Variants in ARID2 observed in about 807,000 individuals in gnomAD.
ARID2 encodes the protein AT-rich interaction domain 2.
ARID2 carries 32 observed loss-of-function variants against 184.6 expected under a neutral mutation model. The observed-to-expected ratio is 0.17, with a 90% CI of 0.13 to 0.23. ARID2 has a LOEUF of 0.23. ARID2 is among the 10% of genes least tolerant of loss of function. ARID2 has a pLI of 1.00. For missense variants in ARID2, 1,696 were observed against 2,197.6 expected (o/e 0.77, Z 4.56); for synonymous variants, 836 against 772.6 (o/e 1.08, Z -1.36).
In ARID2 at chr12:45,851,763, G is replaced by A. The variant is rs1334618271; in HGVS notation, c.3640G>A (p.Val1214Ile). 6.2e-7 allele frequency: 1 copy of A among 1,614,106 alleles called. No individual in the cohort carries two copies. The highest frequency in any genetic ancestry group is 2.2e-5 in the East Asian group (1 of 44,866). Residue 1214 changes from valine to isoleucine, a missense_variant, in exon 15 of 21, where the codon GTA becomes ATA. Val to Ile is a conservative substitution (Grantham distance 29, BLOSUM62 3). This residue lies in a region of ARID2 where 428 missense variants were observed against 409.1 expected (regional missense o/e 1.05). Coordinates refer to ENST00000334344, the MANE Select transcript of ARID2 (RefSeq NM_152641.4). Reference sequence around the variant, plus strand: ...AACGCAGACAGGAGTTGGACTTCCAGTACAAACGCTTCCAGCCACTCAAGC... The same window carrying A: ...AACGCAGACAGGAGTTGGACTTCCAATACAAACGCTTCCAGCCACTCAAGC... ...SGTQTGVGLP[V>I]QTLPATQASP... is the part of the protein sequence containing the mutation.
chr12:45,795,510 CA>C (rs1942374563), intron 3 of ARID2, among the ~76,000 whole-genome samples: 1 of 152,112 alleles, frequency 6.6e-6, no homozygotes, highest in Admixed American at 6.5e-5. Context: ...CGGCTCACTG[CA>C]AAGCTCCGCC....
intron 5 of ARID2, among the ~76,000 whole-genome samples, chr12:45,819,105 A>G (rs1033953186): frequency 6.6e-6 from 1 of 152,200 alleles, no homozygotes; most frequent in Admixed American, 6.5e-5. Context: ...AAACCTTAAA[A>G]TGAAGCCTTT....
chr12:45,851,186 C>T lies in ARID2; in HGVS notation c.3063C>T (p.Pro1021=), dbSNP rs768203142. 1.9e-6 allele frequency: 3 copies of T among 1,614,120 alleles called. No homozygotes were observed. The highest frequency in any genetic ancestry group is 4.5e-5 in the East Asian group (2 of 44,880). ...AACAGCAGCAACATTCACCAGCACC[C>T]CCACCACAGCAGGTACAAGTACAAG... ...RQQQQQHSPA[P]PPQQVQVQVQ... The change falls in exon 15 of 21, where the codon CCC becomes CCT. Residue 1021 remains proline (P), a synonymous_variant. Coordinates refer to ENST00000334344, the MANE Select transcript of ARID2 (RefSeq NM_152641.4).
chr12:45,745,630 C>T (rs548803927), intron 3 of ARID2, among the ~76,000 whole-genome samples: 2 of 152,332 alleles, frequency 1.3e-5, no homozygotes, highest in East Asian at 3.9e-4. Flanking sequence ...TCACTGCAAC[C>T]TCCACCTCCT....
intron 11 of ARID2, among the ~76,000 whole-genome samples, chr12:45,846,576 CAG>C (rs1384903100): frequency 1.3e-5 from 2 of 152,034 alleles, no homozygotes; most frequent in Non-Finnish European, 2.9e-5. Flanking sequence ...ATGGGAATAA[CAG>C]AGGTTATATT....
intron 16 of ARID2, among the ~76,000 whole-genome samples, chr12:45,871,098 T>C (rs1160852622): frequency 6.6e-6 from 1 of 152,250 alleles, no homozygotes; most frequent in Non-Finnish European, 1.5e-5. Flanking sequence ...GAGAATTTTG[T>C]TGCTTCATAT....
chr12:45,730,201 C>G, intron 2 of ARID2, 64 bp downstream of exon 2: 1 of 1,549,714 alleles, frequency 6.5e-7, no homozygotes, highest in Non-Finnish European at 8.8e-7. Flanking sequence ...CTCCTTTGAC[C>G]CCGGAGTGGG....
chr12:45,774,371 A>G (rs1941937129), intron 3 of ARID2, among the ~76,000 whole-genome samples: 1 of 152,116 alleles, frequency 6.6e-6, no homozygotes, highest in Non-Finnish European at 1.5e-5. Context: ...GCTGGGGCTG[A>G]ATTGGCTGAT....
intron 3 of ARID2, among the ~76,000 whole-genome samples, chr12:45,798,327 G>A (rs1942431125): frequency 6.6e-6 from 1 of 152,022 alleles, no homozygotes; most frequent in Non-Finnish European, 1.5e-5. Context: ...TTGTGTCATA[G>A]ACTGTGACAA....
At position 45,906,036 on chromosome 12, in the gene ARID2, A is replaced by C. The variant is rs569790944; in HGVS notation, c.*958A>C. The C allele has an allele frequency of 9.1e-6, 2 of 219,894 alleles. No individual in the cohort carries two copies. The highest frequency in any genetic ancestry group is 6.3e-5 in the East Asian group (1 of 15,812). 13.6% of individuals were successfully genotyped at this position (219,894 alleles called of 1,614,324 possible). ...AATAATATATCTCATGTCATTTTTT[A>C]GAAGAAAAACTATTTGAAGGTATTT... On this transcript the variant is annotated 3_prime_UTR_variant, in exon 21 of 21. Coordinates refer to ENST00000334344, the MANE Select transcript of ARID2 (RefSeq NM_152641.4).
intron 11 of ARID2, among the ~76,000 whole-genome samples, chr12:45,842,839 T>C (rs1943377208): frequency 6.6e-6 from 1 of 152,156 alleles, no homozygotes. Flanking sequence ...TCTAATTCTC[T>C]AGATGCTATT....
chr12:45,828,523 T>C (rs1943047699), intron 6 of ARID2, among the ~76,000 whole-genome samples: 1 of 152,076 alleles, frequency 6.6e-6, no homozygotes. Flanking sequence ...ATATCTGTAT[T>C]CAGCTTTGGT....
chr12:45,868,353 A>G (rs1029870229), intron 16 of ARID2, among the ~76,000 whole-genome samples: 3 of 152,178 alleles, frequency 2.0e-5, no homozygotes, highest in African/African-American at 7.2e-5. Flanking sequence ...AGGCACGAGA[A>G]TCGCTTGAAC....
At chr12:45,776,425 A>G (rs1028753858) in intron 3 of ARID2, 31 of 152,370 alleles carry the variant, frequency 2.0e-4, no homozygotes, top group Middle Eastern at 3.4e-3. Flanking sequence ...GCTGAACTCA[A>G]ATAGCTCACA....
chr12:45,735,072 T>G (rs1408562092), intron 3 of ARID2, among the ~76,000 whole-genome samples: 2 of 152,208 alleles, frequency 1.3e-5, no homozygotes, highest in African/African-American at 4.8e-5. Flanking sequence ...GAGTTATGTT[T>G]ACCATAGTAC....
intron 20 of ARID2, among the ~76,000 whole-genome samples, chr12:45,899,444 A>G (rs1330128429): frequency 6.9e-6 from 1 of 144,828 alleles, no homozygotes; most frequent in Non-Finnish European, 1.5e-5. Context: ...CTCTAGTAAA[A>G]TATACAAAAA....
At chr12:45,835,207 T>C (rs562268042) in intron 6 of ARID2, among the ~76,000 whole-genome samples, 170 of 152,320 alleles carry the variant, frequency 1.1e-3, no homozygotes, top group African/African-American at 3.9e-3. Flanking sequence ...TTTTTAGTTC[T>C]TTCATATAGT....
intron 20 of ARID2, among the ~76,000 whole-genome samples, chr12:45,898,634 G>A (rs1944401567): frequency 6.6e-6 from 1 of 152,138 alleles, no homozygotes; most frequent in Admixed American, 6.5e-5. Flanking sequence ...GGGTGGATTG[G>A]GCCAGACGCG....
In ARID2 at chr12:45,850,866, A is replaced by C. The variant is rs776178316; in HGVS notation, c.2743A>C (p.Ile915Leu). ...TTCATCTACAGTGGTACAGCAGCCT[A>C]TTCAACAACCACAGCAGCCAACCCA... ...QVSSTVVQQP[I>L]QQPQQPTQQS... The change falls in exon 15 of 21, where the codon ATT (isoleucine) becomes CTT (leucine). Residue 915 changes from isoleucine (I) to leucine (L), a missense_variant. Ile to Leu is a conservative substitution (Grantham distance 5). This residue lies in a region of ARID2 where 713 missense variants were observed against 824.4 expected (regional missense o/e 0.86). Coordinates refer to ENST00000334344, the MANE Select transcript of ARID2 (RefSeq NM_152641.4). 2 of 1,614,124 alleles carry C rather than the reference A, an allele frequency of 1.2e-6. No individual in the cohort carries two copies. The highest frequency in any genetic ancestry group is 1.7e-6 in the Non-Finnish European group (2 of 1,180,008).
Sources: gnomAD v4.1 joint callset for allele counts (sites outside exome capture counted in the v4.1 genomes callset) on GRCh38, gnomAD v4.1.1 for gene constraint, gnomAD v4.1.1 regional missense constraint, MANE v1.5 for transcripts, NCBI Gene and HGNC (gene_info 2026-07-23, HGNC 2026-07-21) for gene names.